DNAH11: variants seen among roughly 807,000 people sequenced by gnomAD.
DNAH11 encodes the protein axonemal beta dynein heavy chain 11.
A neutral mutation model predicts 526.0 loss-of-function variants in DNAH11; 442 were observed. That is an observed-to-expected ratio of 0.84 (90% CI 0.78 to 0.91). The LOEUF (loss-of-function observed/expected upper bound fraction) is 0.91. Among genes scored for constraint, DNAH11 ranks in the 40% least tolerant of loss-of-function variants. The pLI is 0.00. For missense variants in DNAH11, 6,989 were observed against 5,448.7 expected (o/e 1.28, Z -8.90); for synonymous variants, 2,461 against 1,935.9 (o/e 1.27, Z -7.12).
chr7:21,665,542 C>CT (rs1562739161), intron 30 of DNAH11, among the ~76,000 whole-genome samples: 4 of 151,816 alleles, frequency 2.6e-5, no homozygotes, highest in Admixed American at 1.3e-4. Flanking sequence ...TGGGCTGGTT[C>CT]TTTTTTTTGT....
intron 76 of DNAH11, among the ~76,000 whole-genome samples, chr7:21,885,507 TAGAA>T (rs958849943): frequency 6.6e-6 from 1 of 152,010 alleles, no homozygotes; most frequent in African/African-American, 2.4e-5. Flanking sequence ...TTACCATCCT[TAGAA>T]AGGAAGAATA....
intron 18 of DNAH11, 101 bp downstream of exon 18, chr7:21,601,719 A>G (rs1452908251): frequency 3.1e-5 from 26 of 830,260 alleles, no homozygotes; most frequent in Non-Finnish European, 4.3e-5. Context: ...ATAACAATCT[A>G]TACTGTACAC....
At chr7:21,763,352 A>AAAAAAAAG (rs1787012273) in intron 54 of DNAH11, among the ~76,000 whole-genome samples, 3 of 112,328 alleles carry the variant, frequency 2.7e-5, no homozygotes, top group Non-Finnish European at 3.8e-5. Context: ...AAAAAAAAAA[A>AAAAAAAAG]AAAAGAAAAA....
At chr7:21,546,077 T>C (rs1006596130) in intron 2 of DNAH11, among the ~76,000 whole-genome samples, 33 of 152,232 alleles carry the variant, frequency 2.2e-4, no homozygotes, top group African/African-American at 6.8e-4. Flanking sequence ...GGCCAATTTC[T>C]AAATCAGACC....
At chr7:21,658,140 C>T (rs959160742) in intron 29 of DNAH11, among the ~76,000 whole-genome samples, 4 of 151,768 alleles carry the variant, frequency 2.6e-5, no homozygotes, top group South Asian at 4.2e-4. Context: ...TTTTTGGGCG[C>T]AAACTAAGCT....
chr7:21,814,240 G>GTTTA (rs910945229), intron 63 of DNAH11, among the ~76,000 whole-genome samples: 27 of 152,096 alleles, frequency 1.8e-4, no homozygotes, highest in African/African-American at 6.3e-4. Context: ...AATTGCTCTG[G>GTTTA]TTTAGTCAGT....
At chr7:21,840,596 T>C (rs562250612) in intron 65 of DNAH11, among the ~76,000 whole-genome samples, 19 of 152,248 alleles carry the variant, frequency 1.2e-4, no homozygotes, top group African/African-American at 4.3e-4. Flanking sequence ...GTCTCTTGCA[T>C]GAATTAGAAA....
chr7:21,666,914 A>C (rs1005282005), intron 30 of DNAH11, among the ~76,000 whole-genome samples: 6 of 152,096 alleles, frequency 3.9e-5, no homozygotes, highest in African/African-American at 1.4e-4. Context: ...GAAAAAAAAC[A>C]TAGTGTTCCT....
At chr7:21,586,454 C>T (rs1427565134) in intron 9 of DNAH11, among the ~76,000 whole-genome samples, 1 of 152,148 alleles carries the variant, frequency 6.6e-6, no homozygotes, top group East Asian at 1.9e-4. Flanking sequence ...GCAGTTTCTA[C>T]TGTAGTTATA....
intron 71 of DNAH11, 47 bp from the exon 72 acceptor site, chr7:21,867,812 C>G: frequency 1.3e-6 from 2 of 1,538,080 alleles, no homozygotes; most frequent in Non-Finnish European, 8.8e-7. Flanking sequence ...TGACTCTTTT[C>G]AAGGTCAAAA....
At chr7:21,890,110 C>T (rs1383787136) in intron 76 of DNAH11, among the ~76,000 whole-genome samples, 1 of 152,170 alleles carries the variant, frequency 6.6e-6, no homozygotes, top group Non-Finnish European at 1.5e-5. Context: ...TTATTAAATT[C>T]TTATGGCCAC....
Position 21,591,197 on chromosome 7 carries a change from C to T in DNAH11, c.2287C>T (p.Leu763Phe), listed in dbSNP as rs761259910. ...TTTCTTTGCTCAGTACATTGGAAAT[C>T]TTGACCTTCTTGTGCAAGGGTATAA... The part of the protein sequence containing the change: ...RNTILKYIGN[L>F]DLLVQGYNKL... Residue 763 changes from leucine to phenylalanine, a missense_variant, in exon 14 of 82, where the codon CTT (leucine) becomes TTT (phenylalanine). By Grantham distance (22) the Leu-to-Phe change is conservative. Transcript: ENST00000409508. 1 of 1,545,240 alleles carries T rather than the reference C, an allele frequency of 6.5e-7. No homozygotes were observed. Among genetic ancestry groups the T allele is most frequent in the East Asian group, 2.3e-5 (1 of 44,376 alleles).
intron 6 of DNAH11, among the ~76,000 whole-genome samples, chr7:21,566,057 C>T (rs1384126817): frequency 6.6e-6 from 1 of 152,152 alleles, no homozygotes; most frequent in East Asian, 1.9e-4. Flanking sequence ...CCACCACTTC[C>T]CCCAAACCCC....
At chr7:21,853,738 C>G (rs139938896) in intron 67 of DNAH11, among the ~76,000 whole-genome samples, 176 of 152,300 alleles carry the variant, frequency 1.2e-3, no homozygotes, top group African/African-American at 4.1e-3. Flanking sequence ...TTTAAATTAT[C>G]TCTCTGAATG....
intron 8 of DNAH11, among the ~76,000 whole-genome samples, chr7:21,578,478 G>C (rs1216755283): frequency 6.6e-6 from 1 of 152,202 alleles, no homozygotes; most frequent in African/African-American, 2.4e-5. Flanking sequence ...CCCCACAACT[G>C]CTTTCACTGG....
At chr7:21,544,506 GTTA>G (rs1204904451) in intron 1 of DNAH11, among the ~76,000 whole-genome samples, 7 of 152,088 alleles carry the variant, frequency 4.6e-5, no homozygotes, top group Non-Finnish European at 8.8e-5. Context: ...AAGTTAAATA[GTTA>G]TTATAATGTT....
chr7:21,591,937 A>G (rs973874519), intron 14 of DNAH11, among the ~76,000 whole-genome samples: 1 of 152,138 alleles, frequency 6.6e-6, no homozygotes, highest in Non-Finnish European at 1.5e-5. Context: ...AGGTCATCTC[A>G]AGGTACCCTC....
chr7:21,793,261 T>C (rs542946685), intron 61 of DNAH11, among the ~76,000 whole-genome samples: 1 of 152,340 alleles, frequency 6.6e-6, no homozygotes, highest in African/African-American at 2.4e-5. Context: ...TTTGAATTTG[T>C]AGAGACCTGT....
intron 74 of DNAH11, among the ~76,000 whole-genome samples, chr7:21,879,335 T>G (rs1341531367): frequency 6.6e-6 from 1 of 152,042 alleles, no homozygotes; most frequent in East Asian, 1.9e-4. Context: ...TGCATGCCTG[T>G]AGTCCCAGCT....
Sources: gnomAD v4.1 joint callset for allele counts (sites outside exome capture counted in the v4.1 genomes callset) on GRCh38, gnomAD v4.1.1 for gene constraint, MANE v1.5 for transcripts, NCBI Gene and HGNC (gene_info 2026-07-23, HGNC 2026-07-21) for gene names.